The following MAP4K4 variants were observed in gnomAD, a reference collection of about 807,000 sequenced individuals.
The protein encoded by MAP4K4 is HPK/GCK-like kinase HGK.
MAP4K4 carries 38 observed loss-of-function variants against 189.6 expected under a neutral mutation model. The ratio of observed to expected loss-of-function variants is 0.20; its 90% CI spans 0.15 to 0.26. The LOEUF (loss-of-function observed/expected upper bound fraction) is 0.26, where lower values mean the gene tolerates loss of function less well. MAP4K4 is among the 10% of genes least tolerant of loss of function. The pLI, the probability that MAP4K4 is intolerant of heterozygous loss-of-function variation, is 1.00. For missense variants in MAP4K4, 1,054 were observed against 1,726.9 expected, an observed-to-expected ratio of 0.61 and a Z score of 6.91; for synonymous variants, 610 against 624.3, an observed-to-expected ratio of 0.98 and a Z score of 0.34.
intron 2 of MAP4K4, among the ~76,000 whole-genome samples, chr2:101,735,147 CAGT>C (rs2149660914): frequency 6.6e-6 from 1 of 152,224 alleles, no homozygotes; most frequent in Non-Finnish European, 1.5e-5. Context: ...GACTGAGTTT[CAGT>C]GGTGGTATGA....
At chr2:101,860,975 G>C (rs1339672347) in exon 16 of MAP4K4, 1 of 1,598,584 alleles carries the variant, frequency 6.3e-7, no homozygotes, top group Admixed American at 1.7e-5. Flanking sequence ...GCAGAGACCA[G>C]CGGAGCCACA....
At chr2:101,805,491 A>G (rs2094841754) in intron 3 of MAP4K4, among the ~76,000 whole-genome samples, 4 of 152,280 alleles carry the variant, frequency 2.6e-5, no homozygotes, top group South Asian at 4.1e-4. Flanking sequence ...CTAACATCCA[A>G]GTGAATATAT....
chr2:101,795,247 C>T (rs1357885556), intron 3 of MAP4K4, among the ~76,000 whole-genome samples: 2 of 152,166 alleles, frequency 1.3e-5, no homozygotes, highest in Non-Finnish European at 2.9e-5. Flanking sequence ...CATGAGCAAC[C>T]TTTCAACTAA....
chr2:101,797,099 T>C lies in MAP4K4; in HGVS notation c.180+6323T>C, dbSNP rs73943782. The C allele has an allele frequency of 6.5e-3, 3,863 of 597,044 alleles. 144 individuals carry two copies. The African/African-American group carries it at 0.07, about 11-fold the overall frequency. 37.0% of individuals were successfully genotyped at this position (597,044 alleles called of 1,614,324 possible). On this transcript the variant is annotated intron_variant, in intron 3 of 32. Transcript: ENST00000324219. ...ATATTCCAGTGATAACACAAGGCCA[T>C]ATAACACTGAACAATTTTACCCTTT...
chr2:101,843,999 A>G (rs2149588547), intron 11 of MAP4K4, 102 bp from the exon 12 acceptor site: 2 of 746,318 alleles, frequency 2.7e-6, no homozygotes, highest in East Asian at 5.4e-5. Flanking sequence ...AGAGGAACTC[A>G]GAGAATGAAT....
intron 2 of MAP4K4, among the ~76,000 whole-genome samples, chr2:101,770,240 ATTTTTT>A (rs34574782): frequency 4.0e-5 from 3 of 75,190 alleles, no homozygotes; most frequent in African/African-American, 5.6e-5. Context: ...GTTCATTCTG[ATTTTTT>A]TTTTTTTTTT....
At chr2:101,799,593 T>C (rs2094168278) in intron 3 of MAP4K4, among the ~76,000 whole-genome samples, 1 of 151,934 alleles carries the variant, frequency 6.6e-6, no homozygotes, top group Admixed American at 6.6e-5. Context: ...GTTTTTTTTT[T>C]TTGTTTCATT....
chr2:101,744,435 G>C (rs906605329), intron 2 of MAP4K4, among the ~76,000 whole-genome samples: 1 of 152,168 alleles, frequency 6.6e-6, no homozygotes, highest in South Asian at 2.1e-4. Context: ...CTCGAAGTCC[G>C]ACAGAGCAGA....
intron 3 of MAP4K4, among the ~76,000 whole-genome samples, chr2:101,814,156 G>C (rs1005492272): frequency 3.3e-5 from 5 of 152,204 alleles, no homozygotes; most frequent in African/African-American, 1.2e-4. Context: ...GTGACCTCCA[G>C]ATACATGCTA....
At chr2:101,854,028 C>T (rs1427283372) in intron 12 of MAP4K4, among the ~76,000 whole-genome samples, 1 of 152,162 alleles carries the variant, frequency 6.6e-6, no homozygotes, top group Admixed American at 6.5e-5. Flanking sequence ...TTTGCCTCTT[C>T]TTCTCTCTTC....
At chr2:101,857,728 C>T (rs539039032) in intron 13 of MAP4K4, among the ~76,000 whole-genome samples, 3 of 152,222 alleles carry the variant, frequency 2.0e-5, no homozygotes, top group African/African-American at 4.8e-5. Flanking sequence ...CCCACACCCC[C>T]CCAGTTGGCT....
At chr2:101,788,669 T>C (rs1430307153) in intron 2 of MAP4K4, among the ~76,000 whole-genome samples, 1 of 152,176 alleles carries the variant, frequency 6.6e-6, no homozygotes, top group Non-Finnish European at 1.5e-5. Flanking sequence ...AGTTTTTAGT[T>C]CCTTATACTC....
At chr2:101,886,234 T>A (rs137870588) in intron 29 of MAP4K4, among the ~76,000 whole-genome samples, 1 of 152,236 alleles carries the variant, frequency 6.6e-6, no homozygotes, top group African/African-American at 2.4e-5. Context: ...TTTATACATA[T>A]TACCTTATTT....
chr2:101,785,702 C>CTTTTCCTTTTT (rs1558913893), intron 2 of MAP4K4, among the ~76,000 whole-genome samples: 16 of 4,612 alleles, frequency 3.5e-3, no homozygotes, highest in South Asian at 0.019. Context: ...CTCTCTCTCT[C>CTTTTCCTTTTT]TCTCTCTCTC....
At position 101,698,148 on chromosome 2, in the gene MAP4K4, C is replaced by T. The variant is rs2035311083; in HGVS notation, c.57+11C>T. 2.0e-5 allele frequency: 24 copies of T among 1,206,952 alleles called. No individual in the cohort carries two copies. Among genetic ancestry groups the T allele is most frequent in the Non-Finnish European group, 2.6e-5 (24 of 936,072 alleles). 74.8% of individuals were successfully genotyped at this position (1,206,952 alleles called of 1,614,324 possible). On this transcript the variant is annotated intron_variant, in intron 1 of 32. Transcript: ENST00000324219. ...CTCTCCTCCCTGCGGGTGAGTGGGC[C>T]CGCGAGCGGGCGCGCGGGGAGCGGG...
At chr2:101,785,680 C>T (rs933674431) in intron 2 of MAP4K4, among the ~76,000 whole-genome samples, 3,220 of 6,466 alleles carry the variant, frequency 0.5, 303 homozygotes, top group South Asian at 0.53. Flanking sequence ...CTTTCTCCCT[C>T]TCTCTCTCTC....
intron 2 of MAP4K4, among the ~76,000 whole-genome samples, chr2:101,759,493 C>CCCCAT (rs2074757225): frequency 2.1e-5 from 1 of 48,164 alleles, no homozygotes; most frequent in African/African-American, 9.3e-5. Context: ...CCCCTCCCCT[C>CCCCAT]TCCTCCCCTC....
At chr2:101,852,707 T>C (rs564207586) in intron 12 of MAP4K4, among the ~76,000 whole-genome samples, 3 of 152,342 alleles carry the variant, frequency 2.0e-5, no homozygotes, top group East Asian at 3.9e-4. Context: ...TATGTACATA[T>C]ATACAGAGAG....
Position 101,708,764 on chromosome 2 carries a change from C to T in MAP4K4, c.123+10226C>T, listed in dbSNP as rs527686400. On this transcript the variant is annotated intron_variant, in intron 2 of 32. Coordinates refer to ENST00000324219, the Ensembl canonical transcript of MAP4K4. ...CAGTTAGATTCCTCGTAGTGATTTA[C>T]AGTTAATCCCTGTTCCAACCCAGAG... 5.3e-5 allele frequency among the ~76,000 whole-genome samples: 8 copies of T among 152,322 alleles called. No individual in the cohort carries two copies. The East Asian group carries it at 7.7e-4, about 15-fold the overall frequency.
Sources: gnomAD v4.1 joint callset for allele counts (sites outside exome capture counted in the v4.1 genomes callset) on GRCh38, gnomAD v4.1.1 for gene constraint, MANE v1.5 for transcripts, NCBI Gene and HGNC (gene_info 2026-07-23, HGNC 2026-07-21) for gene names.